Variants in CAMK4 observed in about 807,000 individuals in gnomAD.
CAMK4 encodes calcium/calmodulin-dependent protein kinase type IV.
Under a neutral mutation model 44.9 loss-of-function variants are expected in CAMK4, and 22 were observed. The ratio of observed to expected loss-of-function variants is 0.49; its 90% CI spans 0.35 to 0.70. The LOEUF (loss-of-function observed/expected upper bound fraction) is 0.70, where lower values mean the gene tolerates loss of function less well. Among genes scored for constraint, CAMK4 ranks in the 30% least tolerant of loss-of-function variants. The pLI is 0.01. For synonymous variants in CAMK4, 218 were observed against 215.4 expected (o/e 1.01, Z -0.11); for missense variants, 498 against 586.8 (o/e 0.85, Z 1.56).
intron 1 of CAMK4, among the ~76,000 whole-genome samples, chr5:111,339,071 GTTAC>G (rs1310536390): frequency 1.3e-5 from 2 of 151,036 alleles, no homozygotes; most frequent in African/African-American, 4.8e-5. Flanking sequence ...TTTTAATTGA[GTTAC>G]TTAGTTTTTT....
chr5:111,334,855 T>A (rs1470434116), intron 1 of CAMK4, among the ~76,000 whole-genome samples: 2 of 151,538 alleles, frequency 1.3e-5, no homozygotes, highest in African/African-American at 4.8e-5. Context: ...AAATGATTAA[T>A]ATTTTGACAT....
chr5:111,269,308 T>G (rs1580508059), intron 1 of CAMK4, among the ~76,000 whole-genome samples: 1 of 152,208 alleles, frequency 6.6e-6, no homozygotes, highest in African/African-American at 2.4e-5. Flanking sequence ...ATCTTCTAAC[T>G]TCAGTAACCT....
chr5:111,343,620 A>C (rs1393523914), intron 1 of CAMK4, among the ~76,000 whole-genome samples: 1 of 151,548 alleles, frequency 6.6e-6, no homozygotes, highest in Admixed American at 6.6e-5. Context: ...CTTAACCTAA[A>C]CCCTCTCCCT....
At chr5:111,391,684 A>G (rs1053645347) in intron 4 of CAMK4, among the ~76,000 whole-genome samples, 2 of 152,192 alleles carry the variant, frequency 1.3e-5, no homozygotes, top group South Asian at 2.1e-4. Context: ...AACACAAAAC[A>G]TTCTACTTCA....
rs547939100 is a variant in CAMK4 at position 111,278,291 on chromosome 5, A to T, written c.161+53647A>T. Among the ~76,000 whole-genome samples, 32 of 152,326 alleles carry T rather than the reference A, an allele frequency of 2.1e-4. No homozygotes were observed. In the East Asian group the frequency reaches 3.7e-3, roughly 17 times the overall value. ...GTGCCTACCTTTGTGTTGGAAATGGACATTGACTCAAATCCCTGTAAATGT... is the reference window on the plus strand; with the variant it reads ...GTGCCTACCTTTGTGTTGGAAATGGTCATTGACTCAAATCCCTGTAAATGT... On this transcript the variant is annotated intron_variant, in intron 1 of 10. Coordinates refer to ENST00000282356, the MANE Select transcript of CAMK4 (RefSeq NM_001744.6).
At chr5:111,313,386 CTT>C (rs1748292259) in intron 1 of CAMK4, among the ~76,000 whole-genome samples, 1 of 152,054 alleles carries the variant, frequency 6.6e-6, no homozygotes, top group African/African-American at 2.4e-5. Context: ...GTTAGAAACT[CTT>C]TGTTACCTTT....
At chr5:111,414,090 C>T (rs1330681892) in intron 5 of CAMK4, among the ~76,000 whole-genome samples, 2 of 152,090 alleles carry the variant, frequency 1.3e-5, no homozygotes, top group Non-Finnish European at 2.9e-5. Context: ...AAACTGCTCC[C>T]AATTTTTACA....
At chr5:111,227,111 G>C (rs1748229044) in intron 1 of CAMK4, among the ~76,000 whole-genome samples, 1 of 152,156 alleles carries the variant, frequency 6.6e-6, no homozygotes, top group Admixed American at 6.5e-5. Context: ...TGCTTACTCT[G>C]GCTGAGACTT....
At chr5:111,427,353 T>C (rs1409720523) in intron 5 of CAMK4, among the ~76,000 whole-genome samples, 1 of 152,122 alleles carries the variant, frequency 6.6e-6, no homozygotes, top group Non-Finnish European at 1.5e-5. Flanking sequence ...CCACCAGCAA[T>C]ACATGGGTAC....
chr5:111,294,674 A>ATTT (rs57275745), intron 1 of CAMK4, among the ~76,000 whole-genome samples: 4 of 143,638 alleles, frequency 2.8e-5, no homozygotes, highest in African/African-American at 1.0e-4. Context: ...GCTTATTTCT[A>ATTT]TTTTTTTTTT....
At chr5:111,382,318 TC>T (rs1285722887) in intron 4 of CAMK4, among the ~76,000 whole-genome samples, 2 of 152,230 alleles carry the variant, frequency 1.3e-5, no homozygotes, top group Non-Finnish European at 2.9e-5. Flanking sequence ...AATTGAATTT[TC>T]AGGGCATTGC....
At chr5:111,467,384 A>G (rs1450598007) in intron 7 of CAMK4, among the ~76,000 whole-genome samples, 3 of 150,146 alleles carry the variant, frequency 2.0e-5, no homozygotes, top group Non-Finnish European at 1.5e-5. Flanking sequence ...AAAAAAAAAA[A>G]AAAAAAAAAA....
At chr5:111,370,110 T>A (rs1412222519) in intron 2 of CAMK4, among the ~76,000 whole-genome samples, 1 of 152,114 alleles carries the variant, frequency 6.6e-6, no homozygotes, top group African/African-American at 2.4e-5. Flanking sequence ...AATGATGATG[T>A]GGAGTATCGT....
intron 1 of CAMK4, among the ~76,000 whole-genome samples, chr5:111,245,311 CAAGTAAAGCTTT>C (rs1267080216): frequency 9.2e-5 from 14 of 152,156 alleles, no homozygotes; most frequent in African/African-American, 3.4e-4. Flanking sequence ...GATAGGCTGT[CAAGTAAAGCTTT>C]AAGTTTCTTT....
chr5:111,468,266 A>G (rs987852103), intron 7 of CAMK4, among the ~76,000 whole-genome samples: 6 of 152,148 alleles, frequency 3.9e-5, no homozygotes, highest in Non-Finnish European at 7.4e-5. Context: ...AGAAATCCCC[A>G]CTAAAGAAAT....
In CAMK4 at chr5:111,484,505, T is replaced by G; in HGVS notation, c.*39T>G. On this transcript the variant is annotated 3_prime_UTR_variant, in exon 11 of 11. Transcript: ENST00000282356. This position sits in a 1 kb window ranked among gnomAD's most constrained non-coding sequence, Gnocchi z 5.3. The stretch of plus-strand genomic sequence containing the variant: ...GATCTGGAAGCCAAACACCGGCATT[T>G]TATGTACTTTGTCCTTCAGCAAGAA... The G allele has an allele frequency of 7.3e-7, 1 of 1,366,688 alleles. No individual in the cohort carries two copies. The highest frequency in any genetic ancestry group is 9.9e-7 in the Non-Finnish European group (1 of 1,011,904). The allele number at this position is 1,366,688 out of a possible 1,614,324, so 84.7% of individuals were successfully genotyped here.
At chr5:111,316,098 G>T (rs1748410176) in intron 1 of CAMK4, among the ~76,000 whole-genome samples, 1 of 152,066 alleles carries the variant, frequency 6.6e-6, no homozygotes. Context: ...CAATAATAAA[G>T]AGGAAATTGA....
chr5:111,312,118 A>T (rs1156993379), intron 1 of CAMK4, among the ~76,000 whole-genome samples: 1 of 152,170 alleles, frequency 6.6e-6, no homozygotes, highest in Non-Finnish European at 1.5e-5. Flanking sequence ...TCTAAGAAAT[A>T]ACTCTATTTC....
intron 5 of CAMK4, among the ~76,000 whole-genome samples, chr5:111,443,157 C>A (rs1753885142): frequency 6.8e-6 from 1 of 146,972 alleles, no homozygotes; most frequent in South Asian, 2.1e-4. Context: ...TTCTATTGGT[C>A]AAAGTTTATC....
Sources: gnomAD v4.1 joint callset for allele counts (sites outside exome capture counted in the v4.1 genomes callset) on GRCh38, gnomAD v4.1.1 for gene constraint, Gnocchi (gnomAD v3.1) non-coding constraint, MANE v1.5 for transcripts, NCBI Gene and HGNC (gene_info 2026-07-23, HGNC 2026-07-21) for gene names.